SZT2: variants seen among roughly 807,000 people sequenced by gnomAD.
The protein encoded by SZT2 is SZT2 subunit of KICSTOR complex, also known as KICSTOR complex protein SZT2.
SZT2 carries 216 observed loss-of-function variants against 404.2 expected under a neutral mutation model. The observed-to-expected ratio is 0.53, with a 90% CI of 0.48 to 0.60. SZT2 has a LOEUF of 0.60. Ranked by LOEUF, SZT2 falls within the 20% of genes least tolerant of loss-of-function variation. SZT2 has a pLI of 0.00. For synonymous variants in SZT2, 1,693 were observed against 1,749.9 expected (o/e 0.97, Z 0.81); for missense variants, 3,857 against 4,459.2 (o/e 0.86, Z 3.85).
chr1:43,434,565 A>G lies in SZT2; in HGVS notation c.5904+80A>G, dbSNP rs376995509. On this transcript the variant is annotated intron_variant, in intron 41 of 71. Coordinates refer to ENST00000634258, the MANE Select transcript of SZT2 (RefSeq NM_001365999.1). ...TCTAAGAACTTGATTTTCAGAGGCTATTGGTCCATTTCAGAATCAATAATT... is the reference window on the plus strand; with the variant it reads ...TCTAAGAACTTGATTTTCAGAGGCTGTTGGTCCATTTCAGAATCAATAATT... 1.0e-4 allele frequency: 125 copies of G among 1,199,484 alleles called. 1 individual carries two copies. The highest frequency in any genetic ancestry group is 7.4e-4 in the East Asian group (29 of 39,224). The allele number at this position is 1,199,484 out of a possible 1,614,324, so 74.3% of individuals were successfully genotyped here.
chr1:43,415,349 C>A, intron 5 of SZT2, 136 bp downstream of exon 5: 2 of 1,020,792 alleles, frequency 2.0e-6, no homozygotes, highest in African/African-American at 1.6e-5. Flanking sequence ...GATAGGCATG[C>A]TCATGACACA....
At position 43,452,422 on chromosome 1, in the gene SZT2, C is replaced by T. The variant is rs1455731989; in HGVS notation, c.*1942C>T. On this transcript the variant is annotated 3_prime_UTR_variant, in exon 72 of 72. Transcript: ENST00000634258. The stretch of plus-strand genomic sequence containing the variant: ...GCCCTCGTCCGTCTCCCCAGGTCTC[C>T]AGTCCATGGCACCTGGGTCACGATG... 1 of 881,218 alleles carries T rather than the reference C, an allele frequency of 1.1e-6. No individual in the cohort carries two copies. Among genetic ancestry groups the T allele is most frequent in the Admixed American group, 2.0e-5 (1 of 50,210 alleles). The allele number at this position is 881,218 out of a possible 1,614,324, so 54.6% of individuals were successfully genotyped here. A position where few individuals can be genotyped will look rare whatever the true frequency, so the allele number is the denominator to read the frequency against.
chr1:43,418,720 G>A (rs1312777701), intron 7 of SZT2, among the ~76,000 whole-genome samples: 1 of 152,196 alleles, frequency 6.6e-6, no homozygotes, highest in Non-Finnish European at 1.5e-5. Flanking sequence ...TGAGAGCGAT[G>A]CTTATGAAGT....
rs2153935862 is a variant in SZT2 at position 43,442,049 on chromosome 1, C to G, written c.7792C>G (p.Pro2598Ala). ...FGPCSPGQLG[P>A]SPRPAAERHL... ...CCCTTGTTCCCCTGGGCAACTGGGC[C>G]CCTCTCCCCGCCCTGCAGCTGAGCG... is the stretch of plus-strand genomic sequence containing the variant. The change falls in exon 56 of 72, where the codon CCC becomes GCC. Residue 2598 changes from proline (P) to alanine (A), a missense_variant. By Grantham distance (27) the Pro-to-Ala change is conservative (BLOSUM62 -1). Around this residue, in one of 7 missense-constraint regions of SZT2, gnomAD observed 573 missense variants for 592.4 expected, o/e 0.97. Coordinates refer to ENST00000634258, the MANE Select transcript of SZT2 (RefSeq NM_001365999.1). The surrounding 1 kb of genome is among the most constrained non-coding windows in gnomAD (Gnocchi z 4.5). 1 of 1,614,090 alleles carries G rather than the reference C, an allele frequency of 6.2e-7. No homozygotes were observed. The highest frequency in any genetic ancestry group is 1.1e-5 in the South Asian group (1 of 91,060).
In SZT2 at chr1:43,430,393, T is replaced by C. The variant is rs377184977; in HGVS notation, c.4480+4T>C. 317 of 1,605,728 alleles carry C rather than the reference T, an allele frequency of 2.0e-4. No homozygotes were observed. The highest frequency in any genetic ancestry group is 2.9e-4 in the Admixed American group (17 of 58,626). ...GCTGAGCTTATGGGAGAAGAAGGTA[T>C]GTGGGCAAGTGAGTCAAGGTGGGGA... On this transcript the variant is annotated splice_donor_region_variant and intron_variant, in intron 31 of 71. Transcript: ENST00000634258.
chr1:43,431,878 C>T lies in SZT2; in HGVS notation c.5251C>T (p.Arg1751Cys), dbSNP rs146304942. The T allele has an allele frequency of 1.1e-5, 18 of 1,614,056 alleles. No homozygotes were observed. The highest frequency in any genetic ancestry group is 8.0e-5 in the African/African-American group (6 of 74,930). ...ACTGAGTTTTGTATTTGGGCCAGAG[C>T]GTTCCCTCACACAATTCAAGGAGGT... is the stretch of plus-strand genomic sequence containing the variant. ...LPLSFVFGPE[R>C]SLTQFKEEFR... The change falls in exon 36 of 72, where the codon CGT (arginine) becomes TGT (cysteine). Residue 1751 changes from arginine to cysteine, a missense_variant. Coordinates refer to ENST00000634258, the MANE Select transcript of SZT2 (RefSeq NM_001365999.1).
chr1:43,403,989 T>C (rs1570566450), intron 3 of SZT2: 1 of 585,560 alleles, frequency 1.7e-6, no homozygotes, highest in Non-Finnish European at 3.0e-6. Context: ...GCGGGCTGAT[T>C]ACTCGAGCTC....
chr1:43,446,312 T>C lies in SZT2; in HGVS notation c.8998-30T>C, dbSNP rs200352142. Reference sequence around the variant, plus strand: ...CAGCCAGACCCACCTGTCTCTCGCCTTCCTGATCTCATCTTCACCTTCCCT... The same window carrying C: ...CAGCCAGACCCACCTGTCTCTCGCCCTCCTGATCTCATCTTCACCTTCCCT... On this transcript the variant is annotated intron_variant, in intron 64 of 71. Transcript: ENST00000634258. 44 of 1,614,246 alleles carry C rather than the reference T, an allele frequency of 2.7e-5. No individual in the cohort carries two copies. In the African/African-American group the frequency reaches 5.6e-4, roughly 21 times the overall value.
Position 43,427,932 on chromosome 1 carries a change from G to A in SZT2, c.3804-71G>A, listed in dbSNP as rs114698729. The A allele has an allele frequency of 9.9e-6, 14 of 1,409,834 alleles. No homozygotes were observed. In the African/African-American group the frequency reaches 1.7e-4, roughly 17 times the overall value. 87.3% of individuals were successfully genotyped at this position (1,409,834 alleles called of 1,614,324 possible). A position where few individuals can be genotyped will look rare whatever the true frequency, so the allele number is the denominator to read the frequency against. ...GTGTCTATAGATGATCCATTGGAGT[G>A]TGGATGGCTAATGAGTGTGAGGTAT... On this transcript the variant is annotated intron_variant, in intron 26 of 71. Transcript: ENST00000634258.
In SZT2 at chr1:43,433,063, T is replaced by C. The variant is rs1277714063; in HGVS notation, c.5677T>C (p.Leu1893=). 3 of 1,613,966 alleles carry C rather than the reference T, an allele frequency of 1.9e-6. No individual in the cohort carries two copies. Among genetic ancestry groups the C allele is most frequent in the African/African-American group, 2.7e-5 (2 of 74,892 alleles). The change falls in exon 40 of 72, where the codon TTG becomes CTG. Residue 1893 remains leucine (L), a synonymous_variant. Transcript: ENST00000634258. ...DTLGEKAPFT[L]RTPPGPAPPQ... is the part of the protein sequence containing the mutation. Reference sequence around the variant, plus strand: ...CCTTGGTGAGAAGGCCCCCTTCACATTGCGGACTCCACCTGGGCCAGCACC... The same window carrying C: ...CCTTGGTGAGAAGGCCCCCTTCACACTGCGGACTCCACCTGGGCCAGCACC...
chr1:43,394,677 G>A (rs1448419842), intron 1 of SZT2, among the ~76,000 whole-genome samples: 1 of 152,146 alleles, frequency 6.6e-6, no homozygotes, highest in African/African-American at 2.4e-5. Flanking sequence ...TCGGGAGTTT[G>A]AGACCAGCCT....
At position 43,443,400 on chromosome 1, in the gene SZT2, T is replaced by C. The variant is rs749517741; in HGVS notation, c.8548T>C (p.Cys2850Arg). Residue 2850 changes from cysteine to arginine, a missense_variant, in exon 61 of 72, where the codon TGT (cysteine) becomes CGT (arginine). Physicochemically the swap from Cys to Arg is radical, Grantham distance 180. Coordinates refer to ENST00000634258, the MANE Select transcript of SZT2 (RefSeq NM_001365999.1). The part of the protein sequence containing the change: ...LKQSSRLVHY[C>R]ATAMLFDPAA... ...GCAGTCATCCCGCCTGGTGCATTAC[T>C]GTGCAACAGCCATGCTCTTCGACCC... 1.2e-6 allele frequency: 2 copies of C among 1,614,078 alleles called. No homozygotes were observed. Among genetic ancestry groups the C allele is most frequent in the Admixed American group, 1.7e-5 (1 of 60,008 alleles).
intron 3 of SZT2, chr1:43,404,077 G>C (rs1650003180): frequency 1.9e-6 from 1 of 519,508 alleles, no homozygotes; most frequent in South Asian, 2.7e-5. Flanking sequence ...AGGCATGCTG[G>C]CATGCACCTG....
rs1557567763 is a variant in SZT2, at chr1:43,430,737, G to A, written c.4722G>A (p.Arg1574=). 6 of 1,612,838 alleles carry A rather than the reference G, an allele frequency of 3.7e-6. No individual in the cohort carries two copies. The highest frequency in any genetic ancestry group is 1.3e-5 in the African/African-American group (1 of 75,060). Residue 1574 remains arginine, a synonymous_variant, in exon 32 of 72, where the codon CGG becomes CGA. Transcript: ENST00000634258. ...PLFLHLTCSV[R]LRGQHSSVPV... is the part of the protein sequence containing the mutation. ...TCCTGCACCTCACGTGCTCCGTGCG[G>A]CTACGTGGGCAGCACAGCTCAGTAC...
At chr1:43,427,222 C>T (rs762264517) in intron 24 of SZT2, 43 bp downstream of exon 24, 5 of 1,607,030 alleles carry the variant, frequency 3.1e-6, no homozygotes, top group Non-Finnish European at 3.4e-6. Context: ...CAGATACAAA[C>T]CCCTGAGCTC....
At position 43,453,538 on chromosome 1, in the gene SZT2, C is replaced by T. The variant is rs560340183; in HGVS notation, c.*3058C>T. 46 of 1,524,440 alleles carry T rather than the reference C, an allele frequency of 3.0e-5. No individual in the cohort carries two copies. The African/African-American group carries it at 5.1e-4, about 17-fold the overall frequency. 94.4% of individuals were successfully genotyped at this position (1,524,440 alleles called of 1,614,324 possible). On this transcript the variant is annotated 3_prime_UTR_variant, in exon 72 of 72. Coordinates refer to ENST00000634258, the MANE Select transcript of SZT2 (RefSeq NM_001365999.1). The stretch of plus-strand genomic sequence containing the variant: ...GCCTCAGCCCCCGGCTCGGACACTC[C>T]CCTGCCCGCGCCCCGGCACCCCCCA...
rs779096579 is a variant in SZT2 at position 43,420,736 on chromosome 1, G to C, written c.1262-13G>C. ...ATGCCTTCTCCTAACTGGCCCTTCCGCTTCTCCCTAAGGAGGGTCCCAATT... is the reference window on the plus strand; with the variant it reads ...ATGCCTTCTCCTAACTGGCCCTTCCCCTTCTCCCTAAGGAGGGTCCCAATT... On this transcript the variant is annotated splice_polypyrimidine_tract_variant and intron_variant, in intron 9 of 71. Transcript: ENST00000634258. This position sits in a 1 kb window ranked among gnomAD's most constrained non-coding sequence, Gnocchi z 5.1. The C allele has an allele frequency of 6.3e-7, 1 of 1,597,420 alleles. No homozygotes were observed. Among genetic ancestry groups the C allele is most frequent in the East Asian group, 2.2e-5 (1 of 44,856 alleles).
At chr1:43,449,940 AG>A in intron 70 of SZT2, 162 bp from the exon 71 acceptor site, 1 of 776,232 alleles carries the variant, frequency 1.3e-6, no homozygotes, top group South Asian at 1.6e-5. Flanking sequence ...AGCGAGGATG[AG>A]GACTGAGGCT....
At chr1:43,416,725 G>A (rs1448621613) in intron 7 of SZT2, 84 bp downstream of exon 7, 2 of 1,062,198 alleles carry the variant, frequency 1.9e-6, no homozygotes, top group African/African-American at 1.6e-5. Flanking sequence ...TACAGGCAGT[G>A]ATTTCCCAGA....
Sources: gnomAD v4.1 joint callset for allele counts (sites outside exome capture counted in the v4.1 genomes callset) on GRCh38, gnomAD v4.1.1 for gene constraint, gnomAD v4.1.1 regional missense constraint, Gnocchi (gnomAD v3.1) non-coding constraint, MANE v1.5 for transcripts, NCBI Gene and HGNC (gene_info 2026-07-23, HGNC 2026-07-21) for gene names.